The following PRELID2 variants were observed in gnomAD, a reference collection of about 807,000 sequenced individuals.
The protein encoded by PRELID2 is PRELI domain-containing protein 2.
Under a neutral mutation model 28.4 loss-of-function variants are expected in PRELID2, and 25 were observed. The ratio of observed to expected loss-of-function variants is 0.88; its 90% CI spans 0.64 to 1.23. PRELID2 has a LOEUF of 1.23. Ranked by LOEUF, PRELID2 falls within the 50% of genes most tolerant of loss-of-function variation. The pLI is 0.00. For synonymous variants in PRELID2, 76 were observed against 71.6 expected (o/e 1.06, Z -0.31); for missense variants, 201 against 214.4 (o/e 0.94, Z 0.39).
the PRELID2 span, among the ~76,000 whole-genome samples, chr5:145,463,253 T>G: frequency 6.6e-6 from 1 of 152,082 alleles, no homozygotes; most frequent in South Asian, 2.1e-4. Context: ...TCTTCACAAT[T>G]ATAAATCTTT....
rs1755874541 is a variant in PRELID2 at position 145,835,319 on chromosome 5, A to C, written c.-68T>G. The C allele has an allele frequency of 9.1e-7, 1 of 1,100,334 alleles. No individual in the cohort carries two copies. The highest frequency in any genetic ancestry group is 1.4e-5 in the South Asian group (1 of 72,310). The allele number at this position is 1,100,334 out of a possible 1,614,324, so 68.2% of individuals were successfully genotyped here. A position where few individuals can be genotyped will look rare whatever the true frequency, so the allele number is the denominator to read the frequency against. On this transcript the variant is annotated 5_prime_UTR_variant, in exon 1 of 7. Coordinates refer to ENST00000683046, the MANE Select transcript of PRELID2 (RefSeq NM_205846.3). ...AGCTCAGAGCTGCCCAGGGCTCCGC[A>C]GAGGCCCGGAGGCGCCCACACTCGG...
chr5:145,523,081 G>T (rs964735026), intron 1 of PRELID2, among the ~76,000 whole-genome samples: 1 of 152,124 alleles, frequency 6.6e-6, no homozygotes, highest in Admixed American at 6.6e-5. Context: ...ATGGATCCTT[G>T]TAGTTGGGGT....
chr5:145,368,107 T>C, the PRELID2 span, among the ~76,000 whole-genome samples: 1 of 151,990 alleles, frequency 6.6e-6, no homozygotes, highest in African/African-American at 2.4e-5. Flanking sequence ...TTTGTTTATA[T>C]ATTTATTGCC....
At chr5:145,357,228 C>T in the PRELID2 span, among the ~76,000 whole-genome samples, 1 of 152,032 alleles carries the variant, frequency 6.6e-6, no homozygotes, top group Non-Finnish European at 1.5e-5. Context: ...GGGATGGTTT[C>T]TTATATAGTA....
chr5:145,358,021 C>T, the PRELID2 span, among the ~76,000 whole-genome samples: 5 of 151,704 alleles, frequency 3.3e-5, no homozygotes, highest in East Asian at 2.0e-4. Flanking sequence ...GGGTCTTGGA[C>T]GAGCCCTCTC....
intron 1 of PRELID2, among the ~76,000 whole-genome samples, chr5:145,679,897 T>C (rs1319971765): frequency 2.0e-5 from 3 of 150,592 alleles, no homozygotes; most frequent in Non-Finnish European, 3.0e-5. Context: ...ATATAAAATA[T>C]GTAAAATGTA....
At chr5:145,559,427 T>A (rs1238808339) in intron 1 of PRELID2, among the ~76,000 whole-genome samples, 1 of 152,202 alleles carries the variant, frequency 6.6e-6, no homozygotes, top group Non-Finnish European at 1.5e-5. Context: ...ACACTAAGCT[T>A]AAAAGGCTGC....
chr5:145,550,456 A>T (rs1752824596), intron 1 of PRELID2, among the ~76,000 whole-genome samples: 1 of 152,034 alleles, frequency 6.6e-6, no homozygotes, highest in Non-Finnish European at 1.5e-5. Flanking sequence ...CGTGCCTAGA[A>T]CTCAGTTGCT....
chr5:145,544,159 C>CT (rs1752767356), intron 1 of PRELID2, among the ~76,000 whole-genome samples: 1 of 151,932 alleles, frequency 6.6e-6, no homozygotes, highest in South Asian at 2.1e-4. Context: ...GACTTTGATC[C>CT]CAGAAAGCTT....
At chr5:145,769,987 G>T (rs1163303880) in intron 5 of PRELID2, among the ~76,000 whole-genome samples, 1 of 152,214 alleles carries the variant, frequency 6.6e-6, no homozygotes, top group East Asian at 1.9e-4. Context: ...GGTCCCACAG[G>T]ACTGTATAGG....
chr5:145,522,976 A>G (rs1392706991), intron 1 of PRELID2, among the ~76,000 whole-genome samples: 1 of 152,216 alleles, frequency 6.6e-6, no homozygotes, highest in African/African-American at 2.4e-5. Context: ...AAACCCTTTA[A>G]AGATCACCTT....
chr5:145,821,827 A>C (rs1056857666), intron 2 of PRELID2, among the ~76,000 whole-genome samples: 16 of 152,202 alleles, frequency 1.1e-4, no homozygotes, highest in African/African-American at 3.9e-4. Context: ...GTGTTCTCTC[A>C]TTTGATCTTC....
chr5:145,737,087 G>T (rs1756516052), intron 1 of PRELID2, among the ~76,000 whole-genome samples: 1 of 152,014 alleles, frequency 6.6e-6, no homozygotes, highest in African/African-American at 2.4e-5. Context: ...AGGAAAAGAG[G>T]AGAGAAAGAG....
the PRELID2 span, among the ~76,000 whole-genome samples, chr5:145,264,791 T>C: frequency 7.3e-5 from 11 of 151,570 alleles, no homozygotes; most frequent in African/African-American, 2.7e-4. Context: ...TTAGCCAACA[T>C]GGTGAAACAC....
intron 1 of PRELID2, among the ~76,000 whole-genome samples, chr5:145,690,919 G>C (rs1262331672): frequency 6.6e-6 from 1 of 150,964 alleles, no homozygotes; most frequent in Non-Finnish European, 1.5e-5. Context: ...AGCAATCAAA[G>C]AAATGCAAAT....
At chr5:145,248,216 C>A in the PRELID2 span, among the ~76,000 whole-genome samples, 5 of 152,204 alleles carry the variant, frequency 3.3e-5, no homozygotes, top group Admixed American at 2.6e-4. Flanking sequence ...GTTCCCCCCC[C>A]TTCTTAACCC....
At chr5:145,360,995 T>C in the PRELID2 span, among the ~76,000 whole-genome samples, 1 of 152,166 alleles carries the variant, frequency 6.6e-6, no homozygotes, top group Non-Finnish European at 1.5e-5. Context: ...GTCCTCTCAC[T>C]TACCCACCTA....
intron 1 of PRELID2, among the ~76,000 whole-genome samples, chr5:145,506,812 A>T (rs1752415656): frequency 6.6e-6 from 1 of 152,148 alleles, no homozygotes; most frequent in South Asian, 2.1e-4. Flanking sequence ...CTGTTCCCAC[A>T]TTTATTCGTG....
intron 5 of PRELID2, among the ~76,000 whole-genome samples, chr5:145,790,369 T>C (rs1173173499): frequency 6.6e-6 from 1 of 152,078 alleles, no homozygotes; most frequent in East Asian, 1.9e-4. Context: ...TGGAGAACAT[T>C]ATGTTAAGTG....
Sources: gnomAD v4.1 joint callset for allele counts (sites outside exome capture counted in the v4.1 genomes callset) on GRCh38, gnomAD v4.1.1 for gene constraint, MANE v1.5 for transcripts, NCBI Gene and HGNC (gene_info 2026-07-23, HGNC 2026-07-21) for gene names.